Variants in PRKCE observed in about 807,000 individuals in gnomAD.
PRKCE encodes protein kinase C epsilon type.
In PRKCE, 16 loss-of-function variants were observed where a neutral mutation model predicts 85.4. That is an observed-to-expected ratio of 0.19 (90% CI 0.13 to 0.28). PRKCE has a LOEUF of 0.28. PRKCE is among the 10% of genes least tolerant of loss of function. The pLI, the probability that PRKCE is intolerant of heterozygous loss-of-function variation, is 1.00. For synonymous variants in PRKCE, 388 were observed against 371.5 expected (o/e 1.04, Z -0.51); for missense variants, 573 against 975.2 (o/e 0.59, Z 5.49).
At chr2:45,876,034 G>A (rs1694449810) in intron 2 of PRKCE, among the ~76,000 whole-genome samples, 2 of 152,180 alleles carry the variant, frequency 1.3e-5, no homozygotes, top group Admixed American at 6.5e-5. Flanking sequence ...ATCTACATCA[G>A]CTTCCCAGAT....
intron 2 of PRKCE, 77 bp downstream of exon 2, chr2:45,843,140 G>A: frequency 1.6e-6 from 2 of 1,244,522 alleles, no homozygotes; most frequent in Non-Finnish European, 2.3e-6. Flanking sequence ...TCCCCCCCTT[G>A]GCCGGAACAC....
chr2:46,057,893 A>G (rs145521507), intron 10 of PRKCE, among the ~76,000 whole-genome samples: 319 of 152,288 alleles, frequency 2.1e-3, no homozygotes, highest in African/African-American at 7.3e-3. Flanking sequence ...GAGTATAAAT[A>G]CCACTGTTAG....
chr2:45,817,555 A>G (rs1405368521), intron 1 of PRKCE, among the ~76,000 whole-genome samples: 3 of 152,000 alleles, frequency 2.0e-5, no homozygotes, highest in South Asian at 2.1e-4. Context: ...TCAGCCGGGC[A>G]TGGTGGTGGG....
At chr2:45,847,855 T>C (rs989315630) in intron 2 of PRKCE, among the ~76,000 whole-genome samples, 2 of 152,214 alleles carry the variant, frequency 1.3e-5, no homozygotes, top group Non-Finnish European at 2.9e-5. Flanking sequence ...AATAAGCAGA[T>C]CCCTTTTCCA....
At chr2:45,784,483 T>C (rs996133304) in intron 1 of PRKCE, among the ~76,000 whole-genome samples, 3 of 152,212 alleles carry the variant, frequency 2.0e-5, no homozygotes, top group Admixed American at 2.0e-4. Context: ...ATCAGCTTCG[T>C]GTTGGGATTT....
intron 1 of PRKCE, among the ~76,000 whole-genome samples, chr2:45,800,067 C>T (rs1456001902): frequency 6.6e-6 from 1 of 152,154 alleles, no homozygotes. Flanking sequence ...GAGATTTTCC[C>T]CCTAGTTCTC....
intron 1 of PRKCE, chr2:45,686,387 CA>C (rs912497284): frequency 5.3e-5 from 8 of 152,126 alleles, no homozygotes; most frequent in African/African-American, 1.9e-4. Context: ...CTTTATTCAC[CA>C]TTTTTCTGTG....
In PRKCE at chr2:45,740,249, T is replaced by G. The variant is rs914150304; in HGVS notation, c.348+87801T>G. Among the ~76,000 whole-genome samples the G allele has an allele frequency of 1.1e-4, 16 of 152,000 alleles. 1 individual carries two copies. Among genetic ancestry groups the G allele is most frequent in the Admixed American group, 6.6e-4 (10 of 15,264 alleles). ...TGCTGCCACTATCTGACTGGAGCAG[T>G]GAAGCTGTGCCCCTAACTCTCCTTC... On this transcript the variant is annotated intron_variant, in intron 1 of 14. Transcript: ENST00000306156.
chr2:45,791,163 G>A (rs1208460429), intron 1 of PRKCE, among the ~76,000 whole-genome samples: 2 of 152,154 alleles, frequency 1.3e-5, no homozygotes, highest in Admixed American at 6.5e-5. Flanking sequence ...TGGGGACTAG[G>A]GATAGTTTCT....
chr2:45,824,321 C>T (rs188153802), intron 1 of PRKCE, among the ~76,000 whole-genome samples: 1 of 152,304 alleles, frequency 6.6e-6, no homozygotes, highest in African/African-American at 2.4e-5. Flanking sequence ...TGATCAACTC[C>T]TTTCTTTCCA....
chr2:45,793,575 C>T (rs1011448990), intron 1 of PRKCE, among the ~76,000 whole-genome samples: 5 of 152,184 alleles, frequency 3.3e-5, no homozygotes, highest in Admixed American at 6.5e-5. Flanking sequence ...CAGACGGTGG[C>T]CTCAGCTTAC....
intron 6 of PRKCE, among the ~76,000 whole-genome samples, chr2:45,988,759 A>T (rs1174332708): frequency 6.6e-6 from 1 of 152,132 alleles, no homozygotes; most frequent in Non-Finnish European, 1.5e-5. Flanking sequence ...CAGTCCAGAA[A>T]TCAGCTTCCC....
intron 1 of PRKCE, among the ~76,000 whole-genome samples, chr2:45,744,490 TC>T (rs1682936428): frequency 3.6e-5 from 2 of 55,334 alleles, no homozygotes; most frequent in Admixed American, 1.6e-4. Flanking sequence ...TCTTTCTTTT[TC>T]TTTCTTTCTT....
At chr2:45,682,074 TAA>T (rs1470937803) in intron 1 of PRKCE, among the ~76,000 whole-genome samples, 4 of 152,230 alleles carry the variant, frequency 2.6e-5, no homozygotes, top group Non-Finnish European at 4.4e-5. Context: ...TATTAAAATA[TAA>T]GTGTTGTTTA....
At chr2:46,038,797 C>T (rs1373074337) in intron 10 of PRKCE, among the ~76,000 whole-genome samples, 1 of 152,038 alleles carries the variant, frequency 6.6e-6, no homozygotes, top group Non-Finnish European at 1.5e-5. Context: ...CGGAGCTCTT[C>T]TACCAACTCC....
chr2:46,066,060 C>T (rs907681335), intron 10 of PRKCE, among the ~76,000 whole-genome samples: 13 of 152,198 alleles, frequency 8.5e-5, no homozygotes, highest in African/African-American at 2.9e-4. Flanking sequence ...TGCTGACAGT[C>T]CAACTGTCAT....
chr2:45,787,088 G>A (rs1686660336), intron 1 of PRKCE, among the ~76,000 whole-genome samples: 1 of 151,954 alleles, frequency 6.6e-6, no homozygotes, highest in African/African-American at 2.4e-5. Context: ...GGTGGATGTG[G>A]GAAAATCTAC....
intron 10 of PRKCE, among the ~76,000 whole-genome samples, chr2:46,056,652 A>G (rs557744326): frequency 6.6e-6 from 1 of 152,286 alleles, no homozygotes; most frequent in South Asian, 2.1e-4. Context: ...ATGAGTAATT[A>G]TTTATCTATC....
intron 2 of PRKCE, among the ~76,000 whole-genome samples, chr2:45,881,706 G>C (rs183274973): frequency 6.6e-6 from 1 of 152,150 alleles, no homozygotes; most frequent in Non-Finnish European, 1.5e-5. Flanking sequence ...CAGCACGATG[G>C]AATGACTTGC....
Sources: allele counts gnomAD v4.1 joint callset (sites outside exome capture counted in the v4.1 genomes callset), GRCh38; gene constraint gnomAD v4.1.1; transcripts MANE v1.5; gene names NCBI Gene and HGNC (gene_info 2026-07-23, HGNC 2026-07-21).